The following CNTNAP4 variants were observed in gnomAD, a reference collection of about 807,000 sequenced individuals.
The protein encoded by CNTNAP4 is contactin-associated protein-like 4.
In CNTNAP4, 98 loss-of-function variants were observed where a neutral mutation model predicts 148.4. The observed-to-expected ratio is 0.66, with a 90% CI of 0.56 to 0.78. CNTNAP4 has a LOEUF of 0.78. Ranked by LOEUF, CNTNAP4 falls within the 30% of genes least tolerant of loss-of-function variation. The probability of loss-of-function intolerance (pLI) is 0.00; values close to 1 mark genes in which losing one functional copy is unlikely to be tolerated. For synonymous variants in CNTNAP4, 730 were observed against 565.1 expected, an observed-to-expected ratio of 1.29 and a Z score of -4.14; for missense variants, 1,935 against 1,565.6, an observed-to-expected ratio of 1.24 and a Z score of -3.98.
intron 3 of CNTNAP4, among the ~76,000 whole-genome samples, chr16:76,387,377 C>T (rs2016602045): frequency 6.6e-6 from 1 of 152,166 alleles, no homozygotes; most frequent in Admixed American, 6.5e-5. Context: ...TATAATTTGG[C>T]AGCTATTCAT....
intron 8 of CNTNAP4, among the ~76,000 whole-genome samples, chr16:76,459,286 C>G (rs8053362): frequency 6.6e-6 from 1 of 151,962 alleles, no homozygotes; most frequent in Non-Finnish European, 1.5e-5. Context: ...TAATCCAGTC[C>G]TGTACCATCA....
chr16:76,295,003 G>A (rs1476458701), intron 1 of CNTNAP4, among the ~76,000 whole-genome samples: 1 of 152,120 alleles, frequency 6.6e-6, no homozygotes, highest in Non-Finnish European at 1.5e-5. Flanking sequence ...GTTCTTACAG[G>A]CAATGTGCTC....
intron 3 of CNTNAP4, among the ~76,000 whole-genome samples, chr16:76,376,907 T>TGTGTGTGTGTGTGTGTGTGTG (rs2015471306): frequency 8.4e-5 from 12 of 143,444 alleles, no homozygotes; most frequent in African/African-American, 3.1e-4. Flanking sequence ...CTAACAAGGT[T>TGTGTGTGTGTGTGTGTGTGTG]TGTGTGTGTG....
chr16:76,443,446 A>G (rs1043824302), intron 4 of CNTNAP4, among the ~76,000 whole-genome samples: 1 of 152,164 alleles, frequency 6.6e-6, no homozygotes, highest in South Asian at 2.1e-4. Context: ...TTAGCTGGAC[A>G]TGGTGGCAAA....
chr16:76,474,517 A>G (rs2081492563), intron 10 of CNTNAP4, among the ~76,000 whole-genome samples: 1 of 152,196 alleles, frequency 6.6e-6, no homozygotes, highest in Admixed American at 6.5e-5. Flanking sequence ...AAATTTTATA[A>G]GCAAAACGGG....
intron 1 of CNTNAP4, among the ~76,000 whole-genome samples, chr16:76,311,844 C>A (rs1454997551): frequency 6.6e-6 from 1 of 152,140 alleles, no homozygotes; most frequent in Non-Finnish European, 1.5e-5. Context: ...AGAATCTTGT[C>A]TGTGGCTCAG....
chr16:76,379,595 A>G (rs2015763150), intron 3 of CNTNAP4, among the ~76,000 whole-genome samples: 1 of 152,176 alleles, frequency 6.6e-6, no homozygotes, highest in South Asian at 2.1e-4. Context: ...AATTAATCAA[A>G]TGCCATTTTA....
Position 76,426,673 on chromosome 16 carries a change from C to T in CNTNAP4, c.391-779C>T, listed in dbSNP as rs80287059. On this transcript the variant is annotated intron_variant, in intron 3 of 23. Transcript: ENST00000611870. ...CTGATTTTATGGAAGAAACATAGCT[C>T]CTGGCCCTACCATGTAATGGTTGCA... Among the ~76,000 whole-genome samples the T allele has an allele frequency of 8.0e-3, 1,221 of 152,146 alleles. 21 individuals are homozygous for T. Among genetic ancestry groups the T allele is most frequent in the African/African-American group, 0.028 (1,161 of 41,514 alleles).
intron 2 of CNTNAP4, among the ~76,000 whole-genome samples, chr16:76,345,257 C>A (rs552171280): frequency 1.4e-4 from 21 of 152,300 alleles, no homozygotes; most frequent in Admixed American, 3.3e-4. Context: ...CAGCCAGACC[C>A]ACATTCACTT....
rs1476272556 is a variant in CNTNAP4, at chr16:76,355,876, ATTTATTTATTTATTTT to A, written c.390+367_390+382del. Among the ~76,000 whole-genome samples, 1,420 of 149,710 alleles carry A rather than the reference ATTTATTTATTTATTTT, an allele frequency of 9.5e-3. 28 individuals carry two copies. The highest frequency in any genetic ancestry group is 0.033 in the African/African-American group (1,356 of 40,712). On this transcript the variant is annotated intron_variant, in intron 3 of 23. Coordinates refer to ENST00000611870, the MANE Select transcript of CNTNAP4 (RefSeq NM_033401.5). Reference sequence around the variant, plus strand: ...TATTTATTTATTTATTTATTTATTTATTTATTTATTTATTTTTGAAACAGAGTCTCACTCTGTCACC... The same window carrying A: ...TATTTATTTATTTATTTATTTATTTATGAAACAGAGTCTCACTCTGTCACC...
chr16:76,296,629 G>A (rs1384585419), intron 1 of CNTNAP4, among the ~76,000 whole-genome samples: 2 of 152,066 alleles, frequency 1.3e-5, no homozygotes, highest in Non-Finnish European at 2.9e-5. Flanking sequence ...TCTCAAAATG[G>A]ACGAAAGAGA....
At chr16:76,545,289 T>C (rs1472815100) in intron 21 of CNTNAP4, among the ~76,000 whole-genome samples, 1 of 152,218 alleles carries the variant, frequency 6.6e-6, no homozygotes, top group East Asian at 1.9e-4. Context: ...TTAGCCATAC[T>C]GTATTGAGCT....
At chr16:76,453,613 T>C (rs2080606637) in intron 8 of CNTNAP4, among the ~76,000 whole-genome samples, 1 of 152,150 alleles carries the variant, frequency 6.6e-6, no homozygotes, top group Non-Finnish European at 1.5e-5. Flanking sequence ...AAAGATTCCA[T>C]TGTACTACTC....
At chr16:76,398,365 A>G (rs926360866) in intron 3 of CNTNAP4, among the ~76,000 whole-genome samples, 1 of 152,002 alleles carries the variant, frequency 6.6e-6, no homozygotes, top group African/African-American at 2.4e-5. Context: ...GACACTCAAT[A>G]TTAACCATCA....
intron 1 of CNTNAP4, among the ~76,000 whole-genome samples, chr16:76,289,516 A>C (rs1342032261): frequency 7.1e-6 from 1 of 140,786 alleles, no homozygotes; most frequent in African/African-American, 2.8e-5. Context: ...GTTTCTTTTC[A>C]TTGCCTTTAG....
chr16:76,313,923 A>C (rs1961418198), intron 1 of CNTNAP4, among the ~76,000 whole-genome samples: 1 of 152,190 alleles, frequency 6.6e-6, no homozygotes, highest in African/African-American at 2.4e-5. Flanking sequence ...GATTAATGCA[A>C]AAATGGGAAC....
In CNTNAP4 at chr16:76,553,218, T is replaced by C. The variant is rs1275677831; in HGVS notation, c.3443-65T>C. 5 of 959,886 alleles carry C rather than the reference T, an allele frequency of 5.2e-6. No individual in the cohort carries two copies. The East Asian group carries it at 1.3e-4, about 25-fold the overall frequency. 59.5% of individuals were successfully genotyped at this position (959,886 alleles called of 1,614,324 possible). ...TATTGCATTAGCTCAGAATCCTCAATTTCTGCATCATCGCCTATTTTCACT... is the reference window on the plus strand; with the variant it reads ...TATTGCATTAGCTCAGAATCCTCAACTTCTGCATCATCGCCTATTTTCACT... On this transcript the variant is annotated intron_variant, in intron 21 of 23. Transcript: ENST00000611870.
chr16:76,485,006 G>A (rs2081976781), intron 12 of CNTNAP4, among the ~76,000 whole-genome samples: 1 of 152,140 alleles, frequency 6.6e-6, no homozygotes, highest in African/African-American at 2.4e-5. Context: ...TTTCTTAAAC[G>A]ATGTTAAAAG....
intron 3 of CNTNAP4, among the ~76,000 whole-genome samples, chr16:76,391,577 A>G (rs377382130): frequency 6.6e-6 from 1 of 152,194 alleles, no homozygotes; most frequent in East Asian, 1.9e-4. Flanking sequence ...ACTCACGTGC[A>G]GTATCAGACT....
Sources: gnomAD v4.1 joint callset for allele counts (sites outside exome capture counted in the v4.1 genomes callset) on GRCh38, gnomAD v4.1.1 for gene constraint, MANE v1.5 for transcripts, NCBI Gene and HGNC (gene_info 2026-07-23, HGNC 2026-07-21) for gene names.